The following ANO7 variants were observed in gnomAD, a reference collection of about 807,000 sequenced individuals.
ANO7 encodes anoctamin 7.
Under a neutral mutation model 115.8 loss-of-function variants are expected in ANO7, and 114 were observed. The observed-to-expected ratio is 0.98, with a 90% CI of 0.85 to 1.15. The LOEUF (loss-of-function observed/expected upper bound fraction) is 1.15, where lower values mean the gene tolerates loss of function less well. ANO7 is among the 50% of genes most tolerant of loss of function. The pLI, the probability that ANO7 is intolerant of heterozygous loss-of-function variation, is 0.00. For synonymous variants in ANO7, 550 were observed against 498.2 expected, an observed-to-expected ratio of 1.10 and a Z score of -1.38; for missense variants, 1,302 against 1,201.2, an observed-to-expected ratio of 1.08 and a Z score of -1.24.
At chr2:241,236,587 G>C in the ANO7 span, 1 of 1,611,610 alleles carries the variant, frequency 6.2e-7, no homozygotes, top group Non-Finnish European at 8.5e-7. Flanking sequence ...CCTTGGCGGG[G>C]GGTGGAGGGG....
downstream of ANO7, chr2:241,228,663 G>A (rs1453892394): frequency 6.5e-6 from 1 of 152,694 alleles, no homozygotes; most frequent in Non-Finnish European, 1.5e-5. Flanking sequence ...GGCACTAACT[G>A]CACAGAGACC....
At chr2:241,197,444 G>A (rs958742310) in intron 4 of ANO7, among the ~76,000 whole-genome samples, 5 of 152,096 alleles carry the variant, frequency 3.3e-5, no homozygotes, top group African/African-American at 1.2e-4. Context: ...GGAGTGCAGT[G>A]GTGCAGTCAC....
In ANO7 at chr2:241,209,381, G is replaced by T; in HGVS notation, c.1174G>T (p.Ala392Ser). ...GCTGGAGTACTGGAAGCGGAAGAGC[G>T]CCACGCTGGCCTACCGCTGGGACTG... ...LLLEYWKRKSATLAYRWDCSD... is the reference protein window; with the variant it reads ...LLLEYWKRKSSTLAYRWDCSD... Residue 392 changes from alanine (A) to serine (S), a missense_variant, in exon 12 of 25, where the codon GCC becomes TCC. Ala to Ser is a moderately conservative substitution (Grantham distance 99). Coordinates refer to ENST00000674324, the MANE Select transcript of ANO7 (RefSeq NM_001370694.2). The T allele has an allele frequency of 6.3e-7, 1 of 1,581,624 alleles. No homozygotes were observed. The highest frequency in any genetic ancestry group is 8.6e-7 in the Non-Finnish European group (1 of 1,164,498).
intron 10 of ANO7, among the ~76,000 whole-genome samples, chr2:241,205,400 G>A (rs1414185649): frequency 7.1e-6 from 1 of 141,600 alleles, no homozygotes; most frequent in East Asian, 2.2e-4. Context: ...AGGCTGACAG[G>A]TAGCTAGGAC....
At chr2:241,190,821 C>T (rs1436780093) in intron 2 of ANO7, among the ~76,000 whole-genome samples, 1 of 152,358 alleles carries the variant, frequency 6.6e-6, no homozygotes, top group African/African-American at 2.4e-5. Flanking sequence ...TGGGAGCAGT[C>T]CGGCTCCCCT....
intron 7 of ANO7, among the ~76,000 whole-genome samples, 166 bp downstream of exon 7, chr2:241,201,521 C>A (rs1215297032): frequency 6.6e-6 from 1 of 152,232 alleles, no homozygotes; most frequent in African/African-American, 2.4e-5. Context: ...CCTCGCTACA[C>A]AGGGCAGGCC....
At chr2:241,239,970 G>A in the ANO7 span, 1 of 1,614,218 alleles carries the variant, frequency 6.2e-7, no homozygotes, top group South Asian at 1.1e-5. The surrounding 1 kb of genome is among the most constrained non-coding windows in gnomAD (Gnocchi z 4.6). Flanking sequence ...CAATGATGGT[G>A]ATCAGGTCCT....
downstream of ANO7, chr2:241,230,821 C>T (rs753509915): frequency 1.4e-5 from 22 of 1,614,108 alleles, no homozygotes; most frequent in Admixed American, 3.3e-5. This position sits in a 1 kb window ranked among gnomAD's most constrained non-coding sequence, Gnocchi z 5.0. Flanking sequence ...CGGGCGTGAA[C>T]GCGGTGGTCC....
At chr2:241,219,632 A>G (rs532824759) in intron 21 of ANO7, among the ~76,000 whole-genome samples, 20 of 150,934 alleles carry the variant, frequency 1.3e-4, no homozygotes, top group African/African-American at 4.9e-4. Flanking sequence ...CACTGCCACA[A>G]TTATAGCTCA....
rs1438821344 is a variant in ANO7, at chr2:241,210,554, C to T, written c.1545C>T (p.His515=). 2.5e-5 allele frequency: 41 copies of T among 1,613,792 alleles called. No homozygotes were observed. The highest frequency in any genetic ancestry group is 8.9e-5 in the East Asian group (4 of 44,882). ...CCAAGATCTATGTATCCCTGGCCCA[C>T]GTCCTGACACGATGGGGTGAGTGGG... ...ILSKIYVSLA[H]VLTRWEMHRT... is the part of the protein sequence containing the mutation. Residue 515 remains histidine (H), a synonymous_variant, in exon 15 of 25, where the codon CAC becomes CAT. Transcript: ENST00000674324.
Position 241,217,682 on chromosome 2 carries a change from G to T in ANO7, c.1973-4G>T. ...AGAGCCCGGCCGTGACCCCCTCCCC[G>T]CAGTGCTGCAGTTCGGCTTCGTCAC... On this transcript the variant is annotated splice_polypyrimidine_tract_variant and splice_region_variant and intron_variant, in intron 19 of 24. Coordinates refer to ENST00000674324, the MANE Select transcript of ANO7 (RefSeq NM_001370694.2). 1.3e-6 allele frequency: 2 copies of T among 1,575,150 alleles called. No individual in the cohort carries two copies. The highest frequency in any genetic ancestry group is 1.7e-6 in the Non-Finnish European group (2 of 1,161,434).
chr2:241,233,708 T>A, the ANO7 span: 3 of 1,192,550 alleles, frequency 2.5e-6, no homozygotes, highest in Non-Finnish European at 3.6e-6. This position sits in a 1 kb window ranked among gnomAD's most constrained non-coding sequence, Gnocchi z 4.3. Context: ...GACTTGCCAC[T>A]CTCAACTTGG....
In ANO7 at chr2:241,202,262, G is replaced by C; in HGVS notation, c.681G>C (p.Leu227=). 6.2e-7 allele frequency: 1 copy of C among 1,613,642 alleles called. No homozygotes were observed. Among genetic ancestry groups the C allele is most frequent in the Non-Finnish European group, 8.5e-7 (1 of 1,179,984 alleles). The part of the protein sequence containing the change: ...EKKNLLGIHQ[L]LAEGVLSAAF... ...AAAACCTGCTTGGGATCCACCAGCT[G>C]CTGGCAGAGGGTGTCCTCAGTGCCG... The change falls in exon 8 of 25, where the codon CTG becomes CTC. Residue 227 remains leucine (L), a synonymous_variant. Coordinates refer to ENST00000674324, the MANE Select transcript of ANO7 (RefSeq NM_001370694.2).
chr2:241,235,058 C>G, the ANO7 span: 12 of 1,581,604 alleles, frequency 7.6e-6, no homozygotes, highest in Non-Finnish European at 1.0e-5. Flanking sequence ...TCCCTAGATT[C>G]TGACATGTGC....
intron 21 of ANO7, among the ~76,000 whole-genome samples, chr2:241,221,084 T>C (rs976857356): frequency 1.8e-4 from 28 of 151,944 alleles, no homozygotes; most frequent in Non-Finnish European, 1.5e-4. Context: ...TTATTATTAT[T>C]TTTTTGAGAC....
intron 20 of ANO7, 21 bp downstream of exon 20, chr2:241,217,912 CG>C: frequency 9.3e-7 from 1 of 1,076,198 alleles, no homozygotes; most frequent in Non-Finnish European, 1.2e-6. Context: ...GGCGGGAGCG[CG>C]GGGCGGGGCG....
chr2:241,208,865 G>C (rs554409450), intron 11 of ANO7, among the ~76,000 whole-genome samples: 7 of 152,194 alleles, frequency 4.6e-5, no homozygotes, highest in Non-Finnish European at 1.0e-4. Context: ...AACACAGTCA[G>C]GGGGCTGGGC....
At chr2:241,223,363 C>T (rs749849367) in intron 22 of ANO7, 87 bp downstream of exon 22, 40 of 1,429,908 alleles carry the variant, frequency 2.8e-5, no homozygotes, top group Middle Eastern at 1.7e-4. Context: ...GGTGAGGGGT[C>T]GGTGCCGTCA....
At chr2:241,208,875 C>T (rs936436919) in intron 11 of ANO7, among the ~76,000 whole-genome samples, 2 of 152,172 alleles carry the variant, frequency 1.3e-5, no homozygotes, top group Non-Finnish European at 2.9e-5. Flanking sequence ...GGGGGCTGGG[C>T]ACGGTGGCTC....
Sources: allele counts gnomAD v4.1 joint callset (sites outside exome capture counted in the v4.1 genomes callset), GRCh38; gene constraint gnomAD v4.1.1; non-coding constraint Gnocchi (gnomAD v3.1); transcripts MANE v1.5; gene names NCBI Gene and HGNC (gene_info 2026-07-23, HGNC 2026-07-21).